Variants in FER observed in about 807,000 individuals in gnomAD.
FER encodes the protein tyrosine-protein kinase Fer.
A neutral mutation model predicts 111.0 loss-of-function variants in FER; 63 were observed. That is an observed-to-expected ratio of 0.57 (90% CI 0.46 to 0.70). FER has a LOEUF of 0.70. FER is among the 30% of genes least tolerant of loss of function. The pLI is 0.00. For missense variants in FER, 914 were observed against 954.0 expected, an observed-to-expected ratio of 0.96 and a Z score of 0.55; for synonymous variants, 327 against 313.9, an observed-to-expected ratio of 1.04 and a Z score of -0.44.
At chr5:108,876,662 T>C (rs1043173278) in intron 8 of FER, among the ~76,000 whole-genome samples, 17 of 152,238 alleles carry the variant, frequency 1.1e-4, no homozygotes, top group African/African-American at 4.1e-4. Context: ...TGCTAAGCAC[T>C]GAATATACTT....
At position 108,931,290 on chromosome 5, in the gene FER, A is replaced by G. The variant is rs180687033; in HGVS notation, c.1237-14840A>G. ...TTTATGTAGCCCTTAAAACTTCAGCAATAGTGATTGTTACTCTGTTTTTTC... is the reference window on the plus strand; with the variant it reads ...TTTATGTAGCCCTTAAAACTTCAGCGATAGTGATTGTTACTCTGTTTTTTC... On this transcript the variant is annotated intron_variant, in intron 10 of 19. Transcript: ENST00000281092. Among the ~76,000 whole-genome samples the G allele has an allele frequency of 3.3e-5, 5 of 152,286 alleles. No individual in the cohort carries two copies. In the East Asian group the frequency reaches 7.7e-4, roughly 24 times the overall value.
chr5:108,949,301 G>A (rs1016124539), intron 11 of FER, among the ~76,000 whole-genome samples: 2 of 152,030 alleles, frequency 1.3e-5, no homozygotes, highest in Non-Finnish European at 2.9e-5. Context: ...AAGGCACGTT[G>A]TCAAGTTCAG....
intron 17 of FER, among the ~76,000 whole-genome samples, chr5:109,170,292 T>C (rs543658752): frequency 6.6e-6 from 1 of 152,282 alleles, no homozygotes; most frequent in East Asian, 1.9e-4. Context: ...ATTTCATTCA[T>C]CTTAAATGGG....
chr5:108,824,722 A>T (rs888170107), intron 3 of FER, among the ~76,000 whole-genome samples: 3 of 152,198 alleles, frequency 2.0e-5, no homozygotes, highest in African/African-American at 7.2e-5. Context: ...TTTTAATCCT[A>T]CAATTTTACA....
intron 13 of FER, among the ~76,000 whole-genome samples, chr5:108,992,356 T>C (rs565153941): frequency 1.3e-5 from 2 of 152,310 alleles, no homozygotes; most frequent in South Asian, 4.1e-4. Flanking sequence ...AAAACCGCCA[T>C]TGTCATCATG....
At position 108,832,948 on chromosome 5, in the gene FER, GT is replaced by G; in HGVS notation, c.381+10del. On this transcript the variant is annotated splice_donor_region_variant and intron_variant, in intron 4 of 19. Transcript: ENST00000281092. Reference sequence around the variant, plus strand: ...ATAGAGGCAGAGATGATCAAGGTTCGTTTTTCCATATTGAAGTTCTTTCTTG... The same window carrying G: ...ATAGAGGCAGAGATGATCAAGGTTCGTTTTCCATATTGAAGTTCTTTCTTG... The G allele has an allele frequency of 2.6e-6, 4 of 1,543,902 alleles. No individual in the cohort carries two copies. The highest frequency in any genetic ancestry group is 2.5e-5 in the South Asian group (2 of 80,056).
chr5:108,992,624 C>T (rs1359511247), intron 13 of FER, among the ~76,000 whole-genome samples: 40 of 145,874 alleles, frequency 2.7e-4, no homozygotes, highest in African/African-American at 9.0e-4. Flanking sequence ...GCTGGCCGGG[C>T]GGGGGGCTGA....
intron 3 of FER, among the ~76,000 whole-genome samples, chr5:108,829,506 G>A (rs1277030456): frequency 6.6e-6 from 1 of 152,108 alleles, no homozygotes; most frequent in Non-Finnish European, 1.5e-5. Context: ...GGACATAGTG[G>A]TGCATGCCTG....
At chr5:109,080,068 A>C (rs545816515) in intron 16 of FER, among the ~76,000 whole-genome samples, 2 of 138,710 alleles carry the variant, frequency 1.4e-5, no homozygotes, top group African/African-American at 4.9e-5. Context: ...TAAATGAATA[A>C]AGTGTATCTA....
At chr5:108,839,698 C>G (rs1484842868) in intron 5 of FER, among the ~76,000 whole-genome samples, 1 of 151,470 alleles carries the variant, frequency 6.6e-6, no homozygotes, top group Admixed American at 6.6e-5. Flanking sequence ...CTGCCTCAGC[C>G]TCTGGAGTAG....
rs1028845393 is a variant in FER, at chr5:109,072,923, A to G, written c.1924+25725A>G. ...CCTTGGTGTTTCTTAATTTGCAGGT[A>G]TATCATTCAGTTTCTGTCTCTGCAA... On this transcript the variant is annotated intron_variant, in intron 16 of 19. Coordinates refer to ENST00000281092, the MANE Select transcript of FER (RefSeq NM_005246.4). Among the ~76,000 whole-genome samples the G allele has an allele frequency of 7.2e-5, 11 of 152,158 alleles. No homozygotes were observed. The South Asian group carries it at 1.9e-3, about 26-fold the overall frequency.
In FER at chr5:108,832,861, T is replaced by A; in HGVS notation, c.299T>A (p.Leu100His). The A allele has an allele frequency of 6.2e-7, 1 of 1,609,290 alleles. No homozygotes were observed. Among genetic ancestry groups the A allele is most frequent in the Non-Finnish European group, 8.5e-7 (1 of 1,177,216 alleles). ...TTGAACTCTGGACCTTTACACAGGC[T>A]CACCATGATGATTAAGGACAAGCAG... ...EDLNSGPLHR[L>H]TMMIKDKQQV... The change falls in exon 4 of 20, where the codon CTC becomes CAC. Residue 100 changes from leucine to histidine, a missense_variant. Physicochemically the swap from Leu to His is moderately conservative, Grantham distance 99. This residue lies in a region of FER where 774 missense variants were observed against 782.6 expected (regional missense o/e 0.99). Coordinates refer to ENST00000281092, the MANE Select transcript of FER (RefSeq NM_005246.4).
intron 10 of FER, among the ~76,000 whole-genome samples, chr5:108,929,617 G>A (rs576593893): frequency 6.6e-5 from 10 of 151,508 alleles, no homozygotes; most frequent in Non-Finnish European, 1.5e-4. Context: ...TTTTTTAAAG[G>A]AAGTCATTAA....
At chr5:109,109,687 C>A (rs745749770) in intron 17 of FER, among the ~76,000 whole-genome samples, 1 of 152,062 alleles carries the variant, frequency 6.6e-6, no homozygotes, top group Non-Finnish European at 1.5e-5. Context: ...CACGCCCATA[C>A]CATTTTAAGA....
intron 14 of FER, among the ~76,000 whole-genome samples, chr5:109,038,836 C>T (rs1029181931): frequency 3.3e-5 from 5 of 151,644 alleles, no homozygotes; most frequent in South Asian, 2.1e-4. Context: ...TTTAGTACTA[C>T]GAAAAAAATA....
At chr5:108,867,527 T>C (rs1311644691) in intron 5 of FER, among the ~76,000 whole-genome samples, 2 of 151,538 alleles carry the variant, frequency 1.3e-5, no homozygotes, top group Non-Finnish European at 2.9e-5. Context: ...GTGTTTTACT[T>C]TGACCTTTAT....
intron 13 of FER, among the ~76,000 whole-genome samples, chr5:109,021,559 C>T (rs1184701364): frequency 6.6e-6 from 1 of 151,878 alleles, no homozygotes; most frequent in African/African-American, 2.4e-5. Context: ...CTTTCTTCAC[C>T]AATTTTTTCT....
At chr5:108,800,594 C>G (rs894040739) in intron 3 of FER, among the ~76,000 whole-genome samples, 1 of 152,188 alleles carries the variant, frequency 6.6e-6, no homozygotes, top group Non-Finnish European at 1.5e-5. Flanking sequence ...CTCAAGCAAT[C>G]CTCCCACCTT....
intron 5 of FER, among the ~76,000 whole-genome samples, chr5:108,851,591 A>G (rs982666562): frequency 3.3e-5 from 5 of 152,234 alleles, no homozygotes; most frequent in African/African-American, 9.6e-5. Flanking sequence ...GAGTAAATAT[A>G]ATGCATGCCA....
Sources: gnomAD v4.1 joint callset for allele counts (sites outside exome capture counted in the v4.1 genomes callset) on GRCh38, gnomAD v4.1.1 for gene constraint, gnomAD v4.1.1 regional missense constraint, MANE v1.5 for transcripts, NCBI Gene and HGNC (gene_info 2026-07-23, HGNC 2026-07-21) for gene names.